CPEB3: variants seen among roughly 807,000 people sequenced by gnomAD.
The protein encoded by CPEB3 is cytoplasmic polyadenylation element-binding protein 3.
In CPEB3, 20 loss-of-function variants were observed where a neutral mutation model predicts 67.2. That is an observed-to-expected ratio of 0.30 (90% CI 0.21 to 0.43). CPEB3 has a LOEUF of 0.43. Ranked by LOEUF, CPEB3 falls within the 20% of genes least tolerant of loss-of-function variation. The pLI is 1.00. For synonymous variants in CPEB3, 376 were observed against 393.1 expected, an observed-to-expected ratio of 0.96 and a Z score of 0.51; for missense variants, 746 against 968.6, an observed-to-expected ratio of 0.77 and a Z score of 3.05.
At chr10:92,092,030 T>G in intron 7 of CPEB3, 86 bp from the exon 8 acceptor site, 2 of 826,638 alleles carry the variant, frequency 2.4e-6, no homozygotes, top group East Asian at 5.0e-5. Context: ...ACCCACTGAT[T>G]TGTGCATTTC....
At chr10:92,220,038 G>A (rs1003765421) in intron 2 of CPEB3, among the ~76,000 whole-genome samples, 6 of 152,088 alleles carry the variant, frequency 3.9e-5, no homozygotes, top group Admixed American at 1.3e-4. Context: ...CATGCCTGTC[G>A]TCCCAGCTAC....
intron 6 of CPEB3, among the ~76,000 whole-genome samples, chr10:92,138,610 T>C (rs1225327051): frequency 6.6e-6 from 1 of 151,968 alleles, no homozygotes; most frequent in East Asian, 1.9e-4. Flanking sequence ...TCAATATTAC[T>C]GATTGTCAGC....
At chr10:92,207,724 G>A (rs531976378) in intron 2 of CPEB3, among the ~76,000 whole-genome samples, 1 of 152,184 alleles carries the variant, frequency 6.6e-6, no homozygotes, top group African/African-American at 2.4e-5. Context: ...ACAAACATTA[G>A]CTGGGTGTGG....
At chr10:92,186,968 A>G (rs755456275) in intron 3 of CPEB3, among the ~76,000 whole-genome samples, 75 of 152,340 alleles carry the variant, frequency 4.9e-4, no homozygotes, top group Non-Finnish European at 8.7e-4. Flanking sequence ...TAACACAAAA[A>G]TAGAACTGAG....
chr10:92,068,713 C>A (rs772357765), intron 9 of CPEB3, among the ~76,000 whole-genome samples: 4 of 152,106 alleles, frequency 2.6e-5, no homozygotes, highest in Non-Finnish European at 5.9e-5. Flanking sequence ...CATGAAAGAA[C>A]AGAGGAGGAC....
intron 4 of CPEB3, among the ~76,000 whole-genome samples, chr10:92,152,632 T>C (rs976775202): frequency 6.6e-5 from 10 of 152,208 alleles, no homozygotes; most frequent in Admixed American, 1.3e-4. Context: ...AAGCTGATGA[T>C]GGATATATTG....
intron 1 of CPEB3, among the ~76,000 whole-genome samples, chr10:92,260,612 T>C (rs1342291650): frequency 6.6e-6 from 1 of 152,108 alleles, no homozygotes; most frequent in Admixed American, 6.6e-5. Context: ...TGTTTTATTC[T>C]TCTTCTTTTT....
chr10:92,197,034 G>C (rs922715038), intron 2 of CPEB3, among the ~76,000 whole-genome samples: 1 of 152,042 alleles, frequency 6.6e-6, no homozygotes, highest in Non-Finnish European at 1.5e-5. Context: ...CATAATATTA[G>C]GGAGAACACA....
At chr10:92,153,589 T>C (rs778619252) in intron 4 of CPEB3, among the ~76,000 whole-genome samples, 16 of 152,232 alleles carry the variant, frequency 1.1e-4, no homozygotes, top group Admixed American at 4.6e-4. Flanking sequence ...GAGACCAGCC[T>C]GGCCAACATG....
intron 2 of CPEB3, among the ~76,000 whole-genome samples, chr10:92,207,620 C>T (rs1371764701): frequency 6.6e-6 from 1 of 152,142 alleles, no homozygotes; most frequent in Non-Finnish European, 1.5e-5. Flanking sequence ...GCCTGTAATA[C>T]CAGCACTTTG....
At chr10:92,258,999 G>C (rs895210612) in intron 1 of CPEB3, among the ~76,000 whole-genome samples, 1 of 150,532 alleles carries the variant, frequency 6.6e-6, no homozygotes, top group South Asian at 2.1e-4. Flanking sequence ...GTCTCACTCC[G>C]TTGCCCAGGC....
At chr10:92,220,102 C>T (rs773561791) in intron 2 of CPEB3, among the ~76,000 whole-genome samples, 2 of 151,850 alleles carry the variant, frequency 1.3e-5, no homozygotes, top group African/African-American at 2.4e-5. Flanking sequence ...TTGCGGTGAG[C>T]GGAGATTGGG....
chr10:92,259,942 T>G (rs1285943666), intron 1 of CPEB3, among the ~76,000 whole-genome samples: 2 of 152,174 alleles, frequency 1.3e-5, no homozygotes, highest in Non-Finnish European at 2.9e-5. Context: ...TAAACTTAGG[T>G]GACTTACCTG....
chr10:92,284,610 G>A (rs1374480780), intron 1 of CPEB3, among the ~76,000 whole-genome samples: 2 of 151,650 alleles, frequency 1.3e-5, no homozygotes, highest in Non-Finnish European at 2.9e-5. Context: ...CTTTTCTTGG[G>A]GCCTCGGTAT....
At chr10:92,205,473 T>TG (rs1398875709) in intron 2 of CPEB3, among the ~76,000 whole-genome samples, 11 of 130,878 alleles carry the variant, frequency 8.4e-5, no homozygotes, top group Non-Finnish European at 1.7e-4. Flanking sequence ...TTCAGTCCTT[T>TG]TTTTTTTTTT....
At chr10:92,136,489 GA>G (rs1234449144) in intron 6 of CPEB3, among the ~76,000 whole-genome samples, 1 of 151,472 alleles carries the variant, frequency 6.6e-6, no homozygotes, top group Non-Finnish European at 1.5e-5. Flanking sequence ...AACTCAATAG[GA>G]AAAAAAACTA....
intron 2 of CPEB3, among the ~76,000 whole-genome samples, chr10:92,203,777 C>T (rs1036354271): frequency 6.6e-6 from 1 of 151,934 alleles, no homozygotes; most frequent in African/African-American, 2.4e-5. Flanking sequence ...CTGACTGCGG[C>T]TTGACTTCAG....
intron 2 of CPEB3, among the ~76,000 whole-genome samples, chr10:92,236,225 A>G (rs1319844771): frequency 6.6e-6 from 1 of 152,174 alleles, no homozygotes; most frequent in African/African-American, 2.4e-5. Context: ...TCTACCTGAC[A>G]GCACCTGCAC....
intron 1 of CPEB3, among the ~76,000 whole-genome samples, chr10:92,254,391 G>A (rs945188497): frequency 6.6e-6 from 1 of 152,164 alleles, no homozygotes; most frequent in African/African-American, 2.4e-5. Flanking sequence ...CACATCTTCT[G>A]AGTGATGATC....
Sources: allele counts gnomAD v4.1 joint callset (sites outside exome capture counted in the v4.1 genomes callset), GRCh38; gene constraint gnomAD v4.1.1; transcripts MANE v1.5; gene names NCBI Gene and HGNC (gene_info 2026-07-23, HGNC 2026-07-21).